CPXM2: variants seen among roughly 807,000 people sequenced by gnomAD.
CPXM2 encodes carboxypeptidase X, M14 family member 2.
Under a neutral mutation model 86.1 loss-of-function variants are expected in CPXM2, and 66 were observed. The ratio of observed to expected loss-of-function variants is 0.77; its 90% CI spans 0.63 to 0.94. The LOEUF (loss-of-function observed/expected upper bound fraction) is 0.94. CPXM2 is among the 40% of genes least tolerant of loss of function. The pLI is 0.00. For synonymous variants in CPXM2, 388 were observed against 400.2 expected, an observed-to-expected ratio of 0.97 and a Z score of 0.36; for missense variants, 948 against 1,026.3, an observed-to-expected ratio of 0.92 and a Z score of 1.04.
chr10:123,836,278 G>T (rs1848278263), intron 4 of CPXM2, among the ~76,000 whole-genome samples: 1 of 151,626 alleles, frequency 6.6e-6, no homozygotes, highest in Non-Finnish European at 1.5e-5. Context: ...CCTCAAATAG[G>T]GCCACTGTCT....
chr10:123,894,903 C>T (rs956887553), upstream of CPXM2, among the ~76,000 whole-genome samples: 1 of 152,044 alleles, frequency 6.6e-6, no homozygotes, highest in Non-Finnish European at 1.5e-5. Flanking sequence ...TCTGATCTGC[C>T]GTCCACTCTT....
At chr10:123,751,292 C>A (rs1386775959) in intron 13 of CPXM2, among the ~76,000 whole-genome samples, 2 of 152,124 alleles carry the variant, frequency 1.3e-5, no homozygotes, top group Non-Finnish European at 2.9e-5. Context: ...TGTCGACCCC[C>A]CGAGTAGAGA....
At chr10:123,776,786 G>A (rs939150536) in intron 7 of CPXM2, 1 of 152,210 alleles carries the variant, frequency 6.6e-6, no homozygotes, top group African/African-American at 2.4e-5. Context: ...ATGGAAATGG[G>A]GAGAAAATGA....
intron 13 of CPXM2, chr10:123,750,250 G>A (rs1846045522): frequency 1.0e-6 from 1 of 985,290 alleles, no homozygotes; most frequent in Admixed American, 6.1e-5. Flanking sequence ...CAGTGTTCCT[G>A]AGAGCCTGAG....
At position 123,880,266 on chromosome 10, in the gene CPXM2, C is replaced by T. The variant is rs764794214; in HGVS notation, c.348G>A (p.Glu116=). The change falls in exon 2 of 14, where the codon GAG becomes GAA. Residue 116 remains glutamate, a synonymous_variant. Coordinates refer to ENST00000241305, the MANE Select transcript of CPXM2 (RefSeq NM_198148.3). ...NKKVMRTKSS[E]KAANDDHSVR... ...CACTGTGATCATCGTTGGCAGCCTT[C>T]TCAGAGCTCTTGGTTCTCATAACTT... The T allele has an allele frequency of 5.0e-6, 8 of 1,602,304 alleles. No homozygotes were observed. The East Asian group carries it at 1.8e-4, about 36-fold the overall frequency.
intron 2 of CPXM2, among the ~76,000 whole-genome samples, chr10:123,938,683 T>C (rs1177832482): frequency 6.6e-6 from 1 of 152,192 alleles, no homozygotes; most frequent in Non-Finnish European, 1.5e-5. Context: ...GAATGCCCGC[T>C]GGCTGCCCGG....
chr10:123,909,269 C>G (rs1007804686), intron 2 of CPXM2, among the ~76,000 whole-genome samples: 3 of 152,206 alleles, frequency 2.0e-5, no homozygotes, highest in Non-Finnish European at 4.4e-5. Flanking sequence ...CCACCTGTAA[C>G]AGGTCTTCAG....
intron 9 of CPXM2, among the ~76,000 whole-genome samples, chr10:123,767,953 T>C (rs1366858451): frequency 1.3e-5 from 2 of 152,226 alleles, no homozygotes; most frequent in East Asian, 3.8e-4. Context: ...TCATTGTGTA[T>C]ATAGCAATAT....
chr10:123,844,373 T>C (rs1848453254), intron 3 of CPXM2, among the ~76,000 whole-genome samples: 1 of 152,082 alleles, frequency 6.6e-6, no homozygotes, highest in Non-Finnish European at 1.5e-5. Context: ...GTAGAATGAA[T>C]CTACTACAAT....
chr10:123,767,073 T>C lies in CPXM2; in HGVS notation c.1379A>G (p.Asn460Ser), dbSNP rs373921701. Residue 460 changes from asparagine to serine, a missense_variant, in exon 10 of 14, where the codon AAC becomes AGC. Transcript: ENST00000241305. ...IDINNNFPDL[N>S]TLLWEAEDRQ... ...ATCCTCTGCCTCCCAGAGCAGCGTG[T>C]TTAAATCAGGAAAGTTGTTGTTGAT... 1 of 1,614,056 alleles carries C rather than the reference T, an allele frequency of 6.2e-7. No individual in the cohort carries two copies. The highest frequency in any genetic ancestry group is 8.5e-7 in the Non-Finnish European group (1 of 1,180,036).
At chr10:123,804,380 A>C (rs1394649330) in intron 4 of CPXM2, among the ~76,000 whole-genome samples, 1 of 152,076 alleles carries the variant, frequency 6.6e-6, no homozygotes, top group Non-Finnish European at 1.5e-5. Flanking sequence ...CAATCTATAA[A>C]CATGGTATAT....
At chr10:123,894,024 A>G (rs1945313939), upstream of CPXM2, among the ~76,000 whole-genome samples, 1 of 152,238 alleles carries the variant, frequency 6.6e-6, no homozygotes, top group Non-Finnish European at 1.5e-5. Flanking sequence ...TTCCTCAGGT[A>G]ATTCTGATAG....
chr10:123,780,104 G>T, intron 7 of CPXM2, 63 bp downstream of exon 7: 4 of 1,037,124 alleles, frequency 3.9e-6, no homozygotes, highest in South Asian at 1.3e-5. Flanking sequence ...AGTGCTTATG[G>T]ACACATAATA....
At chr10:123,834,684 G>C (rs1289721163) in intron 4 of CPXM2, among the ~76,000 whole-genome samples, 2 of 152,164 alleles carry the variant, frequency 1.3e-5, no homozygotes, top group Admixed American at 6.5e-5. Context: ...GCTATAGTCT[G>C]GCTGTTTGAC....
chr10:123,843,842 G>A (rs1003673815), intron 3 of CPXM2, among the ~76,000 whole-genome samples: 2 of 152,142 alleles, frequency 1.3e-5, no homozygotes, highest in Non-Finnish European at 1.5e-5. Context: ...GAATAGAACT[G>A]CCACATAGCC....
At chr10:123,905,356 A>G (rs1590115197) in intron 2 of CPXM2, among the ~76,000 whole-genome samples, 1 of 152,168 alleles carries the variant, frequency 6.6e-6, no homozygotes, top group African/African-American at 2.4e-5. Context: ...ATGGTCTCAG[A>G]TAGTGCAGCA....
At chr10:123,938,632 C>G (rs577085597) in intron 2 of CPXM2, among the ~76,000 whole-genome samples, 2 of 152,302 alleles carry the variant, frequency 1.3e-5, no homozygotes, top group African/African-American at 4.8e-5. Context: ...CCAAGGGGAA[C>G]AGGGTCACTG....
intron 3 of CPXM2, among the ~76,000 whole-genome samples, chr10:123,861,439 A>G (rs1231538428): frequency 6.6e-6 from 1 of 152,096 alleles, no homozygotes; most frequent in Non-Finnish European, 1.5e-5. Context: ...CGGCAGAATA[A>G]CTCCTACCCA....
At chr10:123,875,469 C>T (rs1944967054) in intron 2 of CPXM2, among the ~76,000 whole-genome samples, 1 of 152,170 alleles carries the variant, frequency 6.6e-6, no homozygotes, top group Non-Finnish European at 1.5e-5. Context: ...CTTTCAGAAT[C>T]AGGGGTCTGG....
Sources: allele counts gnomAD v4.1 joint callset (sites outside exome capture counted in the v4.1 genomes callset), GRCh38; gene constraint gnomAD v4.1.1; transcripts MANE v1.5; gene names NCBI Gene and HGNC (gene_info 2026-07-23, HGNC 2026-07-21).